FAM117B: variants seen among roughly 807,000 people sequenced by gnomAD.
The protein encoded by FAM117B is family with sequence similarity 117 member B, also known as protein FAM117B.
FAM117B carries 22 observed loss-of-function variants against 52.8 expected under a neutral mutation model. That is an observed-to-expected ratio of 0.42 (90% CI 0.30 to 0.59). The LOEUF is 0.59. Among genes scored for constraint, FAM117B ranks in the 20% least tolerant of loss-of-function variants. The probability of loss-of-function intolerance (pLI) is 0.22; values close to 1 mark genes in which losing one functional copy is unlikely to be tolerated. For missense variants in FAM117B, 678 were observed against 802.6 expected, an observed-to-expected ratio of 0.84 and a Z score of 1.88; for synonymous variants, 309 against 324.1, an observed-to-expected ratio of 0.95 and a Z score of 0.50.
At chr2:202,664,726 G>T (rs1425452685) in intron 1 of FAM117B, among the ~76,000 whole-genome samples, 2 of 151,902 alleles carry the variant, frequency 1.3e-5, no homozygotes, top group Non-Finnish European at 2.9e-5. Flanking sequence ...AAGTTATTTT[G>T]CCCTCAGAAC....
Position 202,753,240 on chromosome 2 carries a change from A to G in FAM117B, c.961-2298A>G, listed in dbSNP as rs138847610. ...CACATCTACAACCATCTGATCCTTG[A>G]CAAACCTGACAAAAACAAGCAATGA... On this transcript the variant is annotated intron_variant, in intron 4 of 7. Coordinates refer to ENST00000392238, the MANE Select transcript of FAM117B (RefSeq NM_173511.4). Among the ~76,000 whole-genome samples the G allele has an allele frequency of 4.4e-3, 675 of 152,330 alleles. 4 individuals carry two copies. Among genetic ancestry groups the G allele is most frequent in the African/African-American group, 0.015 (636 of 41,560 alleles).
chr2:202,653,356 C>CTTTTG (rs752933244), intron 1 of FAM117B, among the ~76,000 whole-genome samples: 116 of 152,224 alleles, frequency 7.6e-4, no homozygotes, highest in African/African-American at 2.2e-3. Context: ...AAGTATTTAA[C>CTTTTG]TTTTGTTTTG....
Position 202,635,768 on chromosome 2 carries a change from G to C in FAM117B, c.581G>C (p.Ser194Thr). 1 of 1,454,604 alleles carries C rather than the reference G, an allele frequency of 6.9e-7. No individual in the cohort carries two copies. The highest frequency in any genetic ancestry group is 3.1e-5 in the East Asian group (1 of 32,430). The allele number at this position is 1,454,604 out of a possible 1,614,324, so 90.1% of individuals were successfully genotyped here. A position where few individuals can be genotyped will look rare whatever the true frequency, so the allele number is the denominator to read the frequency against. The change falls in exon 1 of 8, where the codon AGC becomes ACC. Residue 194 changes from serine to threonine, a missense_variant. Coordinates refer to ENST00000392238, the MANE Select transcript of FAM117B (RefSeq NM_173511.4). ...AGCTCGCCGGAGAAGAGGAGCCCCA[G>C]CGCCCCGGTTTGCAAAGCAGGTAAG... Reference protein sequence around the residue: ...SRSSPEKRSPSAPVCKAGDKT... With the variant: ...SRSSPEKRSPTAPVCKAGDKT...
intron 1 of FAM117B, among the ~76,000 whole-genome samples, chr2:202,651,133 G>A (rs933323737): frequency 3.4e-5 from 5 of 147,796 alleles, no homozygotes. Context: ...TGCCATCTCA[G>A]CTCACTGTAA....
intron 2 of FAM117B, among the ~76,000 whole-genome samples, chr2:202,714,533 C>CTTTTTT (rs1034689626): frequency 8.5e-6 from 1 of 117,654 alleles, no homozygotes; most frequent in Non-Finnish European, 1.7e-5. Flanking sequence ...TTTTTTTTTT[C>CTTTTTT]TTTTTTTTTT....
At chr2:202,653,573 A>G (rs192603376) in intron 1 of FAM117B, among the ~76,000 whole-genome samples, 19 of 152,272 alleles carry the variant, frequency 1.2e-4, no homozygotes, top group Non-Finnish European at 2.2e-4. Flanking sequence ...GTCTGTCTTG[A>G]AAACTATTTT....
Position 202,766,099 on chromosome 2 carries a change from CA to C in FAM117B, c.*336del, listed in dbSNP as rs1559119023. ...ACACACACACACACACACACACACA[CA>C]CACACACCCCTGATCCTTGCCAACA... On this transcript the variant is annotated 3_prime_UTR_variant, in exon 8 of 8. Transcript: ENST00000392238. 1,019 of 232,720 alleles carry C rather than the reference CA, an allele frequency of 4.4e-3. 3 individuals carry two copies. The highest frequency in any genetic ancestry group is 0.011 in the Middle Eastern group (7 of 630). 14.4% of individuals were successfully genotyped at this position (232,720 alleles called of 1,614,324 possible).
At chr2:202,731,953 G>A (rs1358763053) in intron 4 of FAM117B, among the ~76,000 whole-genome samples, 1 of 150,336 alleles carries the variant, frequency 6.7e-6, no homozygotes, top group East Asian at 2.0e-4. Flanking sequence ...TGGGTTGGCT[G>A]CAAACTCCTG....
chr2:202,696,597 G>A (rs1690715719), intron 2 of FAM117B, among the ~76,000 whole-genome samples: 1 of 152,188 alleles, frequency 6.6e-6, no homozygotes, highest in South Asian at 2.1e-4. Context: ...TAACAGCAAA[G>A]ATTAGTGACC....
chr2:202,722,589 C>A (rs1475912597), intron 2 of FAM117B, among the ~76,000 whole-genome samples: 2 of 152,082 alleles, frequency 1.3e-5, no homozygotes, highest in Admixed American at 1.3e-4. Flanking sequence ...CCAAATACTG[C>A]ATGTTCTCAC....
intron 1 of FAM117B, among the ~76,000 whole-genome samples, chr2:202,653,985 C>G (rs565833054): frequency 6.6e-6 from 1 of 151,316 alleles, no homozygotes; most frequent in Admixed American, 6.6e-5. Flanking sequence ...TTTGTCAGGA[C>G]AGAGGTAGAC....
chr2:202,744,827 A>T (rs1308088938), intron 4 of FAM117B, among the ~76,000 whole-genome samples: 3 of 151,382 alleles, frequency 2.0e-5, no homozygotes, highest in African/African-American at 4.9e-5. Flanking sequence ...TACAAAAAAA[A>T]TTAGCTGGGC....
At chr2:202,720,476 C>T (rs1431618451) in intron 2 of FAM117B, among the ~76,000 whole-genome samples, 2 of 151,190 alleles carry the variant, frequency 1.3e-5, no homozygotes, top group Admixed American at 6.6e-5. Context: ...TTTATCCCTA[C>T]ATATTTTGAT....
intron 4 of FAM117B, among the ~76,000 whole-genome samples, chr2:202,739,879 T>G (rs934923765): frequency 1.3e-5 from 2 of 151,910 alleles, no homozygotes; most frequent in African/African-American, 4.8e-5. Context: ...AAATTTAAAA[T>G]TAAGTATTTA....
chr2:202,687,014 C>CAGT (rs1314952811), intron 1 of FAM117B, among the ~76,000 whole-genome samples: 3 of 152,022 alleles, frequency 2.0e-5, no homozygotes, highest in Non-Finnish European at 4.4e-5. Flanking sequence ...CCAGGAGAGC[C>CAGT]AGTAGTATAG....
chr2:202,747,897 T>G (rs1691658753), intron 4 of FAM117B, among the ~76,000 whole-genome samples: 1 of 152,142 alleles, frequency 6.6e-6, no homozygotes, highest in Non-Finnish European at 1.5e-5. Context: ...ATAGATTGAT[T>G]GCAATTAAAA....
chr2:202,662,650 G>C (rs1690147675), intron 1 of FAM117B, among the ~76,000 whole-genome samples: 2 of 152,092 alleles, frequency 1.3e-5, no homozygotes, highest in South Asian at 2.1e-4. Flanking sequence ...AGACCATCCT[G>C]GCCAACATGG....
intron 1 of FAM117B, 125 bp from the exon 2 acceptor site, chr2:202,695,756 A>G: frequency 1.0e-6 from 1 of 971,442 alleles, no homozygotes; most frequent in Non-Finnish European, 1.5e-6. Flanking sequence ...TCTTGGAAGT[A>G]TCCCCTGTGG....
chr2:202,676,988 C>G (rs1690387337), intron 1 of FAM117B, among the ~76,000 whole-genome samples: 1 of 151,894 alleles, frequency 6.6e-6, no homozygotes. Flanking sequence ...TAGAAGCACC[C>G]TTACCACTAA....
Sources: gnomAD v4.1 joint callset for allele counts (sites outside exome capture counted in the v4.1 genomes callset) on GRCh38, gnomAD v4.1.1 for gene constraint, MANE v1.5 for transcripts, NCBI Gene and HGNC (gene_info 2026-07-23, HGNC 2026-07-21) for gene names.